The following SPEN variants were observed in gnomAD, a reference collection of about 807,000 sequenced individuals.
SPEN encodes msx2-interacting protein.
A neutral mutation model predicts 269.9 loss-of-function variants in SPEN; 18 were observed. The observed-to-expected ratio is 0.07, with a 90% CI of 0.05 to 0.10. The LOEUF (loss-of-function observed/expected upper bound fraction) is 0.10. Ranked by LOEUF, SPEN falls within the 10% of genes least tolerant of loss-of-function variation. SPEN has a pLI of 1.00. For missense variants in SPEN, 3,822 were observed against 4,631.2 expected (o/e 0.83, Z 5.07); for synonymous variants, 1,726 against 1,765.7 (o/e 0.98, Z 0.56).
Position 15,873,013 on chromosome 1 carries a change from C to T in SPEN, c.281C>T (p.Thr94Ile). ...AGTGCTGCTCGGGGATTGGATGATA[C>T]AGTTTCCATAGCATCTCGTAGTAGA... ...IPSAARGLDD[T>I]VSIASRSREV... Residue 94 changes from threonine (T) to isoleucine (I), a missense_variant, in exon 2 of 15, where the codon ACA (threonine) becomes ATA (isoleucine). By Grantham distance (89) the Thr-to-Ile change is moderately conservative. Transcript: ENST00000375759. 1 of 1,614,138 alleles carries T rather than the reference C, an allele frequency of 6.2e-7. No homozygotes were observed.
At chr1:15,856,637 G>T (rs981587143) in intron 1 of SPEN, among the ~76,000 whole-genome samples, 4 of 145,120 alleles carry the variant, frequency 2.8e-5, no homozygotes, top group Non-Finnish European at 4.5e-5. Flanking sequence ...GCATGATCTC[G>T]GCTCACTGCA....
intron 6 of SPEN, 73 bp from the exon 7 acceptor site, chr1:15,918,853 C>A: frequency 8.0e-7 from 1 of 1,257,494 alleles, no homozygotes; most frequent in Non-Finnish European, 1.1e-6. Context: ...AAATAAATAC[C>A]CTATATGGAC....
chr1:15,854,465 A>G (rs539112182), intron 1 of SPEN, among the ~76,000 whole-genome samples: 1 of 152,226 alleles, frequency 6.6e-6, no homozygotes, highest in South Asian at 2.1e-4. Context: ...AATGTTAATC[A>G]TTTTATTAGA....
chr1:15,863,320 C>A (rs1246288804), intron 1 of SPEN, among the ~76,000 whole-genome samples: 1 of 152,032 alleles, frequency 6.6e-6, no homozygotes, highest in East Asian at 1.9e-4. Flanking sequence ...AGTAATGAAG[C>A]CTGCAATAGT....
chr1:15,853,814 A>G (rs903470673), intron 1 of SPEN, among the ~76,000 whole-genome samples: 4 of 151,948 alleles, frequency 2.6e-5, no homozygotes, highest in Non-Finnish European at 5.9e-5. Context: ...GATTACAGGC[A>G]CTTGCCACCA....
In SPEN at chr1:15,934,131, C is replaced by A; in HGVS notation, c.7891C>A (p.Leu2631Met). 6.2e-7 allele frequency: 1 copy of A among 1,614,128 alleles called. No individual in the cohort carries two copies. Among genetic ancestry groups the A allele is most frequent in the Non-Finnish European group, 8.5e-7 (1 of 1,179,976 alleles). Residue 2631 changes from leucine (L) to methionine (M), a missense_variant, in exon 11 of 15, where the codon CTG (leucine) becomes ATG (methionine). Physicochemically the swap from Leu to Met is conservative, Grantham distance 15 (BLOSUM62 2). Around this residue, in one of 16 missense-constraint regions of SPEN, gnomAD observed 329 missense variants for 431.2 expected, o/e 0.76. Coordinates refer to ENST00000375759, the MANE Select transcript of SPEN (RefSeq NM_015001.3). This position sits in a 1 kb window ranked among gnomAD's most constrained non-coding sequence, Gnocchi z 9.2. Reference sequence around the variant, plus strand: ...TAGCCGGATGCCTGTCAGCATTGACCTGGAAAATTCACAGAAGATAACCTT... The same window carrying A: ...TAGCCGGATGCCTGTCAGCATTGACATGGAAAATTCACAGAAGATAACCTT... ...VISRMPVSID[L>M]ENSQKITLAK...
At chr1:15,889,941 C>T (rs1415189715) in intron 3 of SPEN, among the ~76,000 whole-genome samples, 1 of 151,526 alleles carries the variant, frequency 6.6e-6, no homozygotes, top group Non-Finnish European at 1.5e-5. Flanking sequence ...TCTCGAACTC[C>T]CAACCTCAGG....
In SPEN at chr1:15,934,228, T is replaced by G; in HGVS notation, c.7988T>G (p.Val2663Gly). 6.2e-7 allele frequency: 1 copy of G among 1,614,170 alleles called. No individual in the cohort carries two copies. Among genetic ancestry groups the G allele is most frequent in the Non-Finnish European group, 8.5e-7 (1 of 1,180,022 alleles). Reference sequence around the variant, plus strand: ...ACTGGCCTGGTGAACGTCTCCCTGGTCCCGGTGAATGCCCTGAAAGGCCCC... The same window carrying G: ...ACTGGCCTGGTGAACGTCTCCCTGGGCCCGGTGAATGCCCTGAAAGGCCCC... ...ALTGLVNVSL[V>G]PVNALKGPVK... is the part of the protein sequence containing the mutation. The change falls in exon 11 of 15, where the codon GTC becomes GGC. Residue 2663 changes from valine (V) to glycine (G), a missense_variant. Val to Gly is a moderately radical substitution (Grantham distance 109). Transcript: ENST00000375759. This position sits in a 1 kb window ranked among gnomAD's most constrained non-coding sequence, Gnocchi z 9.2.
rs771235065 is a variant in SPEN, at chr1:15,929,455, T to C, written c.3215T>C (p.Ile1072Thr). The C allele has an allele frequency of 1.2e-6, 2 of 1,613,398 alleles. No individual in the cohort carries two copies. The highest frequency in any genetic ancestry group is 4.5e-5 in the East Asian group (2 of 44,880). The change falls in exon 11 of 15, where the codon ATT (isoleucine) becomes ACT (threonine). Residue 1072 changes from isoleucine to threonine, a missense_variant. Ile to Thr is a moderately conservative substitution (Grantham distance 89, BLOSUM62 -1). This residue lies in a region of SPEN where 572 missense variants were observed against 582.6 expected (regional missense o/e 0.98). Coordinates refer to ENST00000375759, the MANE Select transcript of SPEN (RefSeq NM_015001.3). The surrounding 1 kb of genome is among the most constrained non-coding windows in gnomAD (Gnocchi z 5.8). ...SPKDCQELAS[I>T]SVGSGSRPSS... ...AAAGACTGTCAGGAGCTTGCCAGTA[T>C]TTCTGTTGGGTCTGGCTCAAGGCCC...
At chr1:15,864,050 T>C (rs1299254504) in intron 1 of SPEN, among the ~76,000 whole-genome samples, 1 of 152,114 alleles carries the variant, frequency 6.6e-6, no homozygotes, top group Non-Finnish European at 1.5e-5. Context: ...GAAGACACTA[T>C]GTAAGTGAAA....
intron 5 of SPEN, 29 bp from the exon 6 acceptor site, chr1:15,916,098 CT>C: frequency 6.3e-7 from 1 of 1,587,614 alleles, no homozygotes; most frequent in Non-Finnish European, 8.5e-7. Flanking sequence ...ACTGTCTTCT[CT>C]TTTTACTCGG....
At position 15,893,110 on chromosome 1, in the gene SPEN, A is replaced by G. The variant is rs569576745; in HGVS notation, c.882-16211A>G. ...TGAAACTCTGTCTCAAACAACAACA[A>G]CAACAACAAAAACACTTTCATCTGA... On this transcript the variant is annotated intron_variant, in intron 3 of 14. Coordinates refer to ENST00000375759, the MANE Select transcript of SPEN (RefSeq NM_015001.3). Among the ~76,000 whole-genome samples the G allele has an allele frequency of 2.2e-3, 329 of 152,322 alleles. 2 individuals carry two copies. Among genetic ancestry groups the G allele is most frequent in the Non-Finnish European group, 3.9e-3 (264 of 68,034 alleles).
At position 15,918,915 on chromosome 1, in the gene SPEN, G is replaced by C. The variant is rs1318714273; in HGVS notation, c.1396-11G>C. The C allele has an allele frequency of 6.2e-7, 1 of 1,601,346 alleles. No individual in the cohort carries two copies. On this transcript the variant is annotated splice_polypyrimidine_tract_variant and intron_variant, in intron 6 of 14. Coordinates refer to ENST00000375759, the MANE Select transcript of SPEN (RefSeq NM_015001.3). ...GGCATATTGCTAAGTTGTATTCATT[G>C]GTTTTTTCAGGATATTGACATTAAG...
chr1:15,884,757 CAG>C (rs1337732134), intron 3 of SPEN, among the ~76,000 whole-genome samples: 1 of 147,910 alleles, frequency 6.8e-6, no homozygotes, highest in Non-Finnish European at 1.5e-5. Context: ...TTTTTAAAGG[CAG>C]AGTCTTACTT....
At chr1:15,889,366 A>G (rs764339905) in intron 3 of SPEN, among the ~76,000 whole-genome samples, 19 of 151,938 alleles carry the variant, frequency 1.3e-4, no homozygotes, top group Non-Finnish European at 2.5e-4. Context: ...GGGTTTCACC[A>G]TGTTGGTCAG....
chr1:15,852,387 C>CA (rs1168150930), intron 1 of SPEN, among the ~76,000 whole-genome samples: 1 of 151,748 alleles, frequency 6.6e-6, no homozygotes, highest in South Asian at 2.1e-4. Flanking sequence ...AAAAATAAAA[C>CA]AAAAAATTCA....
At chr1:15,849,545 C>T (rs1012192771) in intron 1 of SPEN, among the ~76,000 whole-genome samples, 4 of 151,800 alleles carry the variant, frequency 2.6e-5, no homozygotes, top group African/African-American at 7.3e-5. Context: ...CTGTCCTCGG[C>T]AGGCCGGGGG....
At position 15,873,036 on chromosome 1, in the gene SPEN, A is replaced by C; in HGVS notation, c.304A>C (p.Arg102=). 1 of 1,614,176 alleles carries C rather than the reference A, an allele frequency of 6.2e-7. No individual in the cohort carries two copies. The highest frequency in any genetic ancestry group is 8.5e-7 in the Non-Finnish European group (1 of 1,180,028). The change falls in exon 2 of 15, where the codon AGA becomes CGA. Residue 102 remains arginine, a synonymous_variant. Coordinates refer to ENST00000375759, the MANE Select transcript of SPEN (RefSeq NM_015001.3). ...TACAGTTTCCATAGCATCTCGTAGT[A>C]GAGAGGTTTCTGGGTTCAGAGGAGG... ...DDTVSIASRS[R]EVSGFRGGGG...
Position 15,934,986 on chromosome 1 carries a change from C to A in SPEN, c.8746C>A (p.His2916Asn), listed in dbSNP as rs764908457. 6.2e-7 allele frequency: 1 copy of A among 1,614,046 alleles called. No homozygotes were observed. The highest frequency in any genetic ancestry group is 1.1e-5 in the South Asian group (1 of 91,078). The change falls in exon 11 of 15, where the codon CAC (histidine) becomes AAC (asparagine). Residue 2916 changes from histidine to asparagine, a missense_variant. Around this residue, in one of 16 missense-constraint regions of SPEN, gnomAD observed 329 missense variants for 431.2 expected, o/e 0.76. Transcript: ENST00000375759. The surrounding 1 kb of genome is among the most constrained non-coding windows in gnomAD (Gnocchi z 9.2). ...RPSLEKPEPI[H>N]LSVSTPVTQG... ...ATCCTTGGAGAAGCCCGAGCCCATTCACCTCTCGGTGTCCACGCCTGTCAC... is the reference window on the plus strand; with the variant it reads ...ATCCTTGGAGAAGCCCGAGCCCATTAACCTCTCGGTGTCCACGCCTGTCAC...
Sources: gnomAD v4.1 joint callset for allele counts (sites outside exome capture counted in the v4.1 genomes callset) on GRCh38, gnomAD v4.1.1 for gene constraint, gnomAD v4.1.1 regional missense constraint, Gnocchi (gnomAD v3.1) non-coding constraint, MANE v1.5 for transcripts, NCBI Gene and HGNC (gene_info 2026-07-23, HGNC 2026-07-21) for gene names.